The following XPNPEP1 variants were observed in gnomAD, a reference collection of about 807,000 sequenced individuals.
XPNPEP1 encodes the protein xaa-Pro aminopeptidase 1.
A neutral mutation model predicts 92.4 loss-of-function variants in XPNPEP1; 39 were observed. That is an observed-to-expected ratio of 0.42 (90% confidence interval 0.33 to 0.55). XPNPEP1 has a LOEUF of 0.55. Among genes scored for constraint, XPNPEP1 ranks in the 20% least tolerant of loss-of-function variants. The pLI is 0.08. For missense variants in XPNPEP1, 654 were observed against 856.1 expected (o/e 0.76, Z 2.95); for synonymous variants, 307 against 299.4 (o/e 1.03, Z -0.26).
At chr10:109,919,807 G>T (rs150006102) in intron 1 of XPNPEP1, among the ~76,000 whole-genome samples, 58 of 152,314 alleles carry the variant, frequency 3.8e-4, no homozygotes, top group African/African-American at 1.3e-3. Context: ...GCTGAGACGG[G>T]CAGATCATGA....
chr10:109,886,582 T>C (rs1323627828), intron 7 of XPNPEP1, among the ~76,000 whole-genome samples: 1 of 152,230 alleles, frequency 6.6e-6, no homozygotes, highest in Non-Finnish European at 1.5e-5. Flanking sequence ...CAAATGCCTG[T>C]GTAACATCTA....
At chr10:109,891,887 C>T in intron 4 of XPNPEP1, 61 bp from the exon 5 acceptor site, 2 of 1,538,208 alleles carry the variant, frequency 1.3e-6, no homozygotes, top group South Asian at 2.3e-5. Flanking sequence ...TCAGAAGCTG[C>T]ACAAAATGAC....
At chr10:109,916,961 A>C (rs910953491) in intron 1 of XPNPEP1, among the ~76,000 whole-genome samples, 1 of 152,224 alleles carries the variant, frequency 6.6e-6, no homozygotes, top group Non-Finnish European at 1.5e-5. Context: ...AACTAGAAGA[A>C]AAATTCCTCA....
chr10:109,880,755 G>T, intron 11 of XPNPEP1, 87 bp downstream of exon 11: 2 of 1,329,194 alleles, frequency 1.5e-6, no homozygotes, highest in Non-Finnish European at 2.1e-6. Context: ...CTAACCTTGT[G>T]CCAGGCTCAA....
chr10:109,889,030 G>C (rs764070424), intron 5 of XPNPEP1, among the ~76,000 whole-genome samples: 10 of 152,196 alleles, frequency 6.6e-5, no homozygotes, highest in Non-Finnish European at 1.2e-4. Flanking sequence ...ACCAGGTAAG[G>C]TGATAACATG....
At chr10:109,895,658 G>C (rs1848948684) in intron 3 of XPNPEP1, among the ~76,000 whole-genome samples, 1 of 152,222 alleles carries the variant, frequency 6.6e-6, no homozygotes, top group South Asian at 2.1e-4. Context: ...CAACGCCCAG[G>C]GGCGGTCTCC....
At chr10:109,889,855 T>C (rs1247690381) in intron 5 of XPNPEP1, among the ~76,000 whole-genome samples, 1 of 152,250 alleles carries the variant, frequency 6.6e-6, no homozygotes, top group Non-Finnish European at 1.5e-5. Flanking sequence ...AAGAAGCTCA[T>C]GAATTCCAAT....
intron 15 of XPNPEP1, among the ~76,000 whole-genome samples, chr10:109,874,520 G>A (rs1320456757): frequency 6.6e-6 from 1 of 152,210 alleles, no homozygotes; most frequent in Non-Finnish European, 1.5e-5. Flanking sequence ...GCAATCCTTA[G>A]CTCTAGGCTG....
chr10:109,872,189 T>A (rs560885357), intron 16 of XPNPEP1, among the ~76,000 whole-genome samples: 1 of 152,254 alleles, frequency 6.6e-6, no homozygotes, highest in South Asian at 2.1e-4. Flanking sequence ...CTAACATTAC[T>A]GAGCTATCCT....
chr10:109,868,550 A>G, intron 20 of XPNPEP1, 64 bp downstream of exon 20: 3 of 1,331,440 alleles, frequency 2.3e-6, no homozygotes, highest in Non-Finnish European at 3.2e-6. Context: ...GATGGATTAG[A>G]ACTATTTAAG....
At chr10:109,885,289 A>G (rs1289858606) in intron 8 of XPNPEP1, among the ~76,000 whole-genome samples, 1 of 152,264 alleles carries the variant, frequency 6.6e-6, no homozygotes, top group African/African-American at 2.4e-5. Context: ...ATATGCTTAT[A>G]GTGTACTGAT....
intron 11 of XPNPEP1, 41 bp downstream of exon 11, chr10:109,880,801 C>G: frequency 2.5e-6 from 4 of 1,599,566 alleles, no homozygotes; most frequent in Non-Finnish European, 3.4e-6. Flanking sequence ...GGCCTTCTGA[C>G]CACCTCACAT....
chr10:109,887,961 T>C (rs2133427720), intron 7 of XPNPEP1, 88 bp downstream of exon 7: 1 of 1,539,632 alleles, frequency 6.5e-7, no homozygotes, highest in Non-Finnish European at 8.8e-7. Flanking sequence ...CCAACTCGAC[T>C]TGGATTCGGA....
intron 2 of XPNPEP1, among the ~76,000 whole-genome samples, chr10:109,910,591 T>C (rs1160625023): frequency 6.6e-6 from 1 of 152,156 alleles, no homozygotes; most frequent in African/African-American, 2.4e-5. Flanking sequence ...CCTCTATGTC[T>C]TTTGATTGCT....
At chr10:109,894,829 A>G (rs971917115) in intron 3 of XPNPEP1, among the ~76,000 whole-genome samples, 1 of 152,262 alleles carries the variant, frequency 6.6e-6, no homozygotes, top group African/African-American at 2.4e-5. Context: ...CATAAAGAAC[A>G]TTCGGTCAAC....
At chr10:109,887,119 G>GT (rs1250819218) in intron 7 of XPNPEP1, among the ~76,000 whole-genome samples, 1 of 152,044 alleles carries the variant, frequency 6.6e-6, no homozygotes, top group African/African-American at 2.4e-5. Flanking sequence ...ACAGCATCCT[G>GT]CAGATAGTAG....
At chr10:109,886,401 G>T in intron 7 of XPNPEP1, 60 bp from the exon 8 acceptor site, 3 of 1,499,044 alleles carry the variant, frequency 2.0e-6, no homozygotes, top group Non-Finnish European at 2.8e-6. Context: ...TAGGAACCCA[G>T]TGAAAGAACC....
intron 18 of XPNPEP1, 46 bp from the exon 19 acceptor site, chr10:109,870,075 G>T (rs373913098): frequency 5.0e-5 from 80 of 1,599,044 alleles, no homozygotes; most frequent in Non-Finnish European, 6.8e-5. Flanking sequence ...CCACGATGAA[G>T]ATGTCTACAG....
At chr10:109,882,762 T>A in intron 9 of XPNPEP1, 120 bp from the exon 10 acceptor site, 5 of 1,047,182 alleles carry the variant, frequency 4.8e-6, no homozygotes, top group Non-Finnish European at 7.0e-6. Context: ...GCCCCTTTTC[T>A]CTCCTCCCCA....
Sources: gnomAD v4.1 joint callset for allele counts (sites outside exome capture counted in the v4.1 genomes callset) on GRCh38, gnomAD v4.1.1 for gene constraint, MANE v1.5 for transcripts, NCBI Gene and HGNC (gene_info 2026-07-23, HGNC 2026-07-21) for gene names.